GIGYF2: variants seen among roughly 807,000 people sequenced by gnomAD.
The protein encoded by GIGYF2 is GRB10-interacting GYF protein 2.
In GIGYF2, 25 loss-of-function variants were observed where a neutral mutation model predicts 208.1. That is an observed-to-expected ratio of 0.12 (90% CI 0.09 to 0.17). GIGYF2 has a LOEUF of 0.17. Among genes scored for constraint, GIGYF2 ranks in the 10% least tolerant of loss-of-function variants. The probability of loss-of-function intolerance (pLI) is 1.00; values close to 1 mark genes in which losing one functional copy is unlikely to be tolerated. For synonymous variants in GIGYF2, 534 were observed against 543.8 expected, an observed-to-expected ratio of 0.98 and a Z score of 0.25; for missense variants, 1,302 against 1,579.4, an observed-to-expected ratio of 0.82 and a Z score of 2.98.
At chr2:232,700,259 T>C (rs1002958240) in intron 1 of GIGYF2, among the ~76,000 whole-genome samples, 1 of 152,192 alleles carries the variant, frequency 6.6e-6, no homozygotes, top group Non-Finnish European at 1.5e-5. Context: ...TCCTCTTGTT[T>C]TTCTATTGTG....
At chr2:232,713,116 C>T (rs917488102) in intron 2 of GIGYF2, among the ~76,000 whole-genome samples, 2 of 145,514 alleles carry the variant, frequency 1.4e-5, no homozygotes, top group Non-Finnish European at 3.0e-5. Context: ...TGTTCTGTTT[C>T]ACAGGCTGGA....
rs551765284 is a variant in GIGYF2, at chr2:232,756,235, A to G, written c.280A>G (p.Met94Val). 19 of 1,309,098 alleles carry G rather than the reference A, an allele frequency of 1.5e-5. No individual in the cohort carries two copies. Among genetic ancestry groups the G allele is most frequent in the African/African-American group, 2.0e-5 (1 of 50,816 alleles). The allele number at this position is 1,309,098 out of a possible 1,614,324, so 81.1% of individuals were successfully genotyped here. The change falls in exon 6 of 29, where the codon ATG becomes GTG. Residue 94 changes from methionine (M) to valine (V), a missense_variant. Coordinates refer to ENST00000373563, the MANE Select transcript of GIGYF2 (RefSeq NM_001103146.3). ...TTTTTTTTGGCAGAGAAACTTTTCCATGTCTGTAAATAGTGCTGCTGTCCT... is the reference window on the plus strand; with the variant it reads ...TTTTTTTTGGCAGAGAAACTTTTCCGTGTCTGTAAATAGTGCTGCTGTCCT... ...FTEEEQRNFS[M>V]SVNSAAVLRL...
chr2:232,711,856 G>A lies in GIGYF2; in HGVS notation c.-44+8367G>A, dbSNP rs537706989. On this transcript the variant is annotated intron_variant, in intron 2 of 28. Coordinates refer to ENST00000373563, the MANE Select transcript of GIGYF2 (RefSeq NM_001103146.3). Reference sequence around the variant, plus strand: ...ATTTTTATCGCTTTACTTTAACACTGCATCACCAGGTAGTTTTTTTTTTTA... The same window carrying A: ...ATTTTTATCGCTTTACTTTAACACTACATCACCAGGTAGTTTTTTTTTTTA... 3.3e-5 allele frequency among the ~76,000 whole-genome samples: 5 copies of A among 149,942 alleles called. No individual in the cohort carries two copies. In the South Asian group the frequency reaches 1.1e-3, roughly 32 times the overall value.
intron 20 of GIGYF2, among the ~76,000 whole-genome samples, chr2:232,819,000 TG>T (rs1352095814): frequency 6.6e-6 from 1 of 152,058 alleles, no homozygotes. Flanking sequence ...TTTTTGTTGT[TG>T]GGGGGAATTC....
rs111639066 is a variant in GIGYF2 at position 232,778,915 on chromosome 2, T to G, written c.533-8235T>G. 7.7e-4 allele frequency among the ~76,000 whole-genome samples: 118 copies of G among 152,306 alleles called. 1 individual carries two copies. Among genetic ancestry groups the G allele is most frequent in the African/African-American group, 2.3e-3 (97 of 41,568 alleles). On this transcript the variant is annotated intron_variant, in intron 8 of 28. Transcript: ENST00000373563. ...AATCTCTTATGTGATAAGGTTAATC[T>G]TCCCTGATTGATGAAATTCTAGGGA...
At chr2:232,759,062 G>A (rs1194263292) in intron 6 of GIGYF2, among the ~76,000 whole-genome samples, 1 of 151,888 alleles carries the variant, frequency 6.6e-6, no homozygotes, top group Non-Finnish European at 1.5e-5. Context: ...TCGTCAAGAG[G>A]GTATCCATTG....
rs754011780 is a variant in GIGYF2 at position 232,787,173 on chromosome 2, G to A, written c.556G>A (p.Gly186Arg). 5 of 1,613,846 alleles carry A rather than the reference G, an allele frequency of 3.1e-6. No individual in the cohort carries two copies. The South Asian group carries it at 3.3e-5, about 11-fold the overall frequency. ...AGGGAGACCAAATTTTGAGGAAGGT[G>A]GACCAACATCAGTAGGGAGAAAGCA... ...DVGRPNFEEGGPTSVGRKHEF... is the reference protein window; with the variant it reads ...DVGRPNFEEGRPTSVGRKHEF... Residue 186 changes from glycine to arginine, a missense_variant, in exon 9 of 29, where the codon GGA (glycine) becomes AGA (arginine). Coordinates refer to ENST00000373563, the MANE Select transcript of GIGYF2 (RefSeq NM_001103146.3).
intron 2 of GIGYF2, among the ~76,000 whole-genome samples, chr2:232,728,769 T>TA (rs1188184832): frequency 6.6e-6 from 1 of 152,112 alleles, no homozygotes; most frequent in Non-Finnish European, 1.5e-5. Flanking sequence ...TAGAGGGAAA[T>TA]AAAGATGGGC....
At chr2:232,856,339 A>G (rs916053441) in intron 28 of GIGYF2, among the ~76,000 whole-genome samples, 4 of 152,186 alleles carry the variant, frequency 2.6e-5, no homozygotes, top group African/African-American at 9.6e-5. Flanking sequence ...AAGAACAGAA[A>G]GCTACTGCTG....
chr2:232,846,336 A>G (rs991873), intron 26 of GIGYF2, among the ~76,000 whole-genome samples: 103,941 of 152,136 alleles, frequency 0.68, 35,876 homozygotes, highest in African/African-American at 0.73. Flanking sequence ...TATTTTGTGT[A>G]AGATAAAACT....
chr2:232,753,219 G>C (rs1208349484), intron 5 of GIGYF2, among the ~76,000 whole-genome samples: 1 of 151,880 alleles, frequency 6.6e-6, no homozygotes. Flanking sequence ...CGCTTCTCGG[G>C]TTCAAGTAAT....
intron 21 of GIGYF2, among the ~76,000 whole-genome samples, chr2:232,827,683 C>T (rs781779090): frequency 2.8e-4 from 42 of 152,242 alleles, no homozygotes; most frequent in South Asian, 1.2e-3. Context: ...TTTATCTTTT[C>T]GTTGATTCCT....
At chr2:232,745,415 A>G (rs1698114437) in intron 3 of GIGYF2, among the ~76,000 whole-genome samples, 1 of 152,142 alleles carries the variant, frequency 6.6e-6, no homozygotes, top group Non-Finnish European at 1.5e-5. Flanking sequence ...TGTCAAAAGG[A>G]CCCAGGAGCC....
intron 1 of GIGYF2, among the ~76,000 whole-genome samples, chr2:232,699,833 T>G (rs1020868090): frequency 6.6e-6 from 1 of 152,236 alleles, no homozygotes; most frequent in Non-Finnish European, 1.5e-5. Flanking sequence ...GCCCGGAGAC[T>G]CTTCCTCTAA....
At chr2:232,844,905 A>G (rs932740578) in intron 25 of GIGYF2, among the ~76,000 whole-genome samples, 2 of 152,166 alleles carry the variant, frequency 1.3e-5, no homozygotes, top group African/African-American at 4.8e-5. Flanking sequence ...CATTTTTCCT[A>G]TATTTGTATT....
chr2:232,855,569 C>T (rs1410425774), intron 28 of GIGYF2, among the ~76,000 whole-genome samples: 5 of 152,094 alleles, frequency 3.3e-5, no homozygotes, highest in African/African-American at 1.2e-4. Flanking sequence ...AGAGAATATG[C>T]GAGGACTCTA....
At chr2:232,747,570 G>A (rs1698191655) in intron 3 of GIGYF2, 45 bp from the exon 4 acceptor site, 2 of 1,610,992 alleles carry the variant, frequency 1.2e-6, no homozygotes, top group African/African-American at 1.3e-5. Flanking sequence ...TAAAAAGTCT[G>A]TAGCACCAGA....
At chr2:232,714,743 G>A (rs967289584) in intron 2 of GIGYF2, among the ~76,000 whole-genome samples, 1 of 150,638 alleles carries the variant, frequency 6.6e-6, no homozygotes, top group African/African-American at 2.4e-5. Flanking sequence ...TAATATTTGC[G>A]TCTTCTAGAA....
chr2:232,787,339 CTGT>C lies in GIGYF2; in HGVS notation c.712+13_712+15del, dbSNP rs1559431998. 6.2e-7 allele frequency: 1 copy of C among 1,611,730 alleles called. No homozygotes were observed. Among genetic ancestry groups the C allele is most frequent in the Non-Finnish European group, 8.5e-7 (1 of 1,178,002 alleles). ...CGACCTCACAGTCCTGGTAAGAATTCTGTTGAGTAAAGGCACACAGGGACTGAA... is the reference window on the plus strand; with the variant it reads ...CGACCTCACAGTCCTGGTAAGAATTCTGAGTAAAGGCACACAGGGACTGAA... On this transcript the variant is annotated intron_variant, in intron 9 of 28. Transcript: ENST00000373563.
Sources: gnomAD v4.1 joint callset for allele counts (sites outside exome capture counted in the v4.1 genomes callset) on GRCh38, gnomAD v4.1.1 for gene constraint, MANE v1.5 for transcripts, NCBI Gene and HGNC (gene_info 2026-07-23, HGNC 2026-07-21) for gene names.